The following PDPK1 variants were observed in gnomAD, a reference collection of about 807,000 sequenced individuals.
The protein encoded by PDPK1 is 3-phosphoinositide-dependent protein kinase 1.
In PDPK1, 7 loss-of-function variants were observed where a neutral mutation model predicts 39.8. The observed-to-expected ratio is 0.18, with a 90% CI of 0.10 to 0.33. The LOEUF (loss-of-function observed/expected upper bound fraction) is 0.33, where lower values mean the gene tolerates loss of function less well. Among genes scored for constraint, PDPK1 ranks in the 10% least tolerant of loss-of-function variants. The probability of loss-of-function intolerance (pLI) is 1.00; values close to 1 mark genes in which losing one functional copy is unlikely to be tolerated. For synonymous variants in PDPK1, 118 were observed against 159.1 expected, an observed-to-expected ratio of 0.74 and a Z score of 1.95; for missense variants, 182 against 384.7, an observed-to-expected ratio of 0.47 and a Z score of 4.41.
At chr16:2,586,214 T>C (rs1396718239) in intron 10 of PDPK1, among the ~76,000 whole-genome samples, 2 of 152,246 alleles carry the variant, frequency 1.3e-5, no homozygotes, top group African/African-American at 4.8e-5. Flanking sequence ...ATTTAGCATC[T>C]ACCACAGACT....
rs1395133071 is a variant in PDPK1, at chr16:2,598,815, G to C, written c.*1048G>C. ...CTTCTGTCTCCTGCAGACCACGCCAGGGAGTGCAGACACCACCGTCACACA... is the reference window on the plus strand; with the variant it reads ...CTTCTGTCTCCTGCAGACCACGCCACGGAGTGCAGACACCACCGTCACACA... On this transcript the variant is annotated 3_prime_UTR_variant, in exon 14 of 14. Coordinates refer to ENST00000342085, the MANE Select transcript of PDPK1 (RefSeq NM_002613.5). The C allele has an allele frequency of 4.3e-6, 1 of 233,236 alleles. No homozygotes were observed. Among genetic ancestry groups the C allele is most frequent in the East Asian group, 6.0e-5 (1 of 16,596 alleles). 14.4% of individuals were successfully genotyped at this position (233,236 alleles called of 1,614,324 possible).
At chr16:2,578,432 G>A (rs918666790) in intron 7 of PDPK1, 10 of 136,366 alleles carry the variant, frequency 7.3e-5, no homozygotes, top group East Asian at 2.4e-4. Flanking sequence ...GGGAGCTGAC[G>A]GCAAGGGTTG....
At chr16:2,539,165 C>T (rs751681154) in intron 1 of PDPK1, 2 of 169,262 alleles carry the variant, frequency 1.2e-5, no homozygotes, top group Non-Finnish European at 2.6e-5. Flanking sequence ...CTGCAACCTC[C>T]ATCTCCCGGG....
Position 2,601,835 on chromosome 16 carries a change from G to C in PDPK1, c.*4068G>C, listed in dbSNP as rs1217822399. 1.3e-5 allele frequency: 3 copies of C among 230,450 alleles called. No individual in the cohort carries two copies. The highest frequency in any genetic ancestry group is 5.7e-5 in the Admixed American group (1 of 17,558). The allele number at this position is 230,450 out of a possible 1,614,324, so 14.3% of individuals were successfully genotyped here. On this transcript the variant is annotated 3_prime_UTR_variant, in exon 14 of 14. Coordinates refer to ENST00000342085, the MANE Select transcript of PDPK1 (RefSeq NM_002613.5). ...CCCCCAACTCCCTGCCCACAGTGTT[G>C]CAGATTGCCTGGCTGGCAGCAAGTC... is the stretch of plus-strand genomic sequence containing the variant.
chr16:2,541,186 GA>G (rs1235204416), intron 1 of PDPK1, among the ~76,000 whole-genome samples: 2 of 152,188 alleles, frequency 1.3e-5, no homozygotes, highest in Non-Finnish European at 2.9e-5. Context: ...TGTGGGGCCT[GA>G]AAAGAGGCCT....
intron 11 of PDPK1, among the ~76,000 whole-genome samples, chr16:2,588,302 A>C (rs1000419612): frequency 6.6e-6 from 1 of 152,090 alleles, no homozygotes; most frequent in Non-Finnish European, 1.5e-5. Context: ...TCTTGATGGG[A>C]GCAATCTGAG....
chr16:2,544,669 C>T (rs1311006790), intron 1 of PDPK1, among the ~76,000 whole-genome samples: 7 of 152,026 alleles, frequency 4.6e-5, no homozygotes, highest in Admixed American at 2.6e-4. Flanking sequence ...CTGCAAGCTC[C>T]GCCTCCTGGG....
rs147153606 is a variant in PDPK1 at position 2,599,055 on chromosome 16, T to G, written c.*1288T>G. ...AGAGAGAGCCGGTTTTGGGGCCATT[T>G]CCCTTTGATGCTTTGGTGGCCTTGC... On this transcript the variant is annotated 3_prime_UTR_variant, in exon 14 of 14. Coordinates refer to ENST00000342085, the MANE Select transcript of PDPK1 (RefSeq NM_002613.5). 2.1e-5 allele frequency: 5 copies of G among 233,424 alleles called. No individual in the cohort carries two copies. Among genetic ancestry groups the G allele is most frequent in the African/African-American group, 1.1e-4 (5 of 45,460 alleles). The allele number at this position is 233,424 out of a possible 1,614,324, so 14.5% of individuals were successfully genotyped here.
chr16:2,538,774 A>T (rs1258239885), intron 1 of PDPK1: 6 of 1,280,692 alleles, frequency 4.7e-6, no homozygotes, highest in Admixed American at 2.3e-5. Context: ...CTTGACAGGT[A>T]GGAGGGATTT....
chr16:2,595,710 G>T, intron 11 of PDPK1, 83 bp from the exon 12 acceptor site: 1 of 1,101,654 alleles, frequency 9.1e-7, no homozygotes, highest in South Asian at 1.2e-5. Flanking sequence ...CGAGGCTATG[G>T]GGAGTTCGTG....
chr16:2,538,291 G>T, intron 1 of PDPK1, 155 bp downstream of exon 1: 1 of 268,214 alleles, frequency 3.7e-6, no homozygotes, highest in Non-Finnish European at 5.8e-6. Context: ...GCGGGCGCCG[G>T]CCGAGGGCGC....
chr16:2,588,984 T>A (rs1259982364), intron 11 of PDPK1, among the ~76,000 whole-genome samples: 1 of 151,972 alleles, frequency 6.6e-6, no homozygotes, highest in African/African-American at 2.4e-5. Flanking sequence ...TGAGAGAGAG[T>A]CTTGCTCTGT....
At chr16:2,552,224 G>A (rs563916690) in intron 1 of PDPK1, among the ~76,000 whole-genome samples, 107 of 149,608 alleles carry the variant, frequency 7.2e-4, no homozygotes, top group African/African-American at 2.5e-3. Context: ...CTCCCACTTC[G>A]GCCTCTGGAA....
Position 2,593,372 on chromosome 16 carries a change from G to A in PDPK1, c.1344-2421G>A, listed in dbSNP as rs867662341. 2.1e-5 allele frequency: 7 copies of A among 331,996 alleles called. No homozygotes were observed. The highest frequency in any genetic ancestry group is 1.2e-4 in the South Asian group (5 of 42,966). The allele number at this position is 331,996 out of a possible 1,614,324, so 20.6% of individuals were successfully genotyped here. ...CGGCTGTATCTGGAAGTCCTTTCCC[G>A]CCCCAGCTGTGGTCCTGGTGGTTTT... On this transcript the variant is annotated intron_variant, in intron 11 of 13. Transcript: ENST00000342085. This position sits in a 1 kb window ranked among gnomAD's most constrained non-coding sequence, Gnocchi z 4.2.
chr16:2,545,620 G>C (rs1321517192), intron 1 of PDPK1, among the ~76,000 whole-genome samples: 1 of 151,950 alleles, frequency 6.6e-6, no homozygotes, highest in East Asian at 1.9e-4. Context: ...TCAGCTTCAT[G>C]AGTAGCTAGG....
chr16:2,592,106 G>A (rs2067000740), intron 11 of PDPK1, among the ~76,000 whole-genome samples: 1 of 152,258 alleles, frequency 6.6e-6, no homozygotes, highest in South Asian at 2.1e-4. Flanking sequence ...GCTCTCCTGG[G>A]CGTGGCAGGT....
intron 1 of PDPK1, among the ~76,000 whole-genome samples, chr16:2,546,194 C>T (rs1567145655): frequency 6.6e-6 from 1 of 151,792 alleles, no homozygotes; most frequent in Non-Finnish European, 1.5e-5. Context: ...AGCGATTCTC[C>T]TGCCTCAGCC....
chr16:2,590,738 AC>A (rs2066972812), intron 11 of PDPK1, among the ~76,000 whole-genome samples: 1 of 152,138 alleles, frequency 6.6e-6, no homozygotes. Context: ...ATTTTGGAAA[AC>A]TTTATTCATT....
intron 12 of PDPK1, among the ~76,000 whole-genome samples, chr16:2,596,395 C>T (rs775905063): frequency 6.6e-5 from 10 of 152,140 alleles, no homozygotes; most frequent in Non-Finnish European, 1.5e-5. Context: ...GGGGTTTCAC[C>T]GTGTTAGCCA....
Sources: allele counts gnomAD v4.1 joint callset (sites outside exome capture counted in the v4.1 genomes callset), GRCh38; gene constraint gnomAD v4.1.1; non-coding constraint Gnocchi (gnomAD v3.1); transcripts MANE v1.5; gene names NCBI Gene and HGNC (gene_info 2026-07-23, HGNC 2026-07-21).